Variants in PPFIBP1 observed in about 807,000 individuals in gnomAD.
PPFIBP1 encodes liprin-beta-1.
Under a neutral mutation model 137.8 loss-of-function variants are expected in PPFIBP1, and 112 were observed. The observed-to-expected ratio is 0.81, with a 90% CI of 0.70 to 0.95. The LOEUF (loss-of-function observed/expected upper bound fraction) is 0.95, where lower values mean the gene tolerates loss of function less well. Ranked by LOEUF, PPFIBP1 falls within the 40% of genes least tolerant of loss-of-function variation. The pLI, the probability that PPFIBP1 is intolerant of heterozygous loss-of-function variation, is 0.00. For missense variants in PPFIBP1, 1,083 were observed against 1,196.6 expected (o/e 0.91, Z 1.40); for synonymous variants, 378 against 417.3 (o/e 0.91, Z 1.15).
At position 27,688,992 on chromosome 12, in the gene PPFIBP1, C is replaced by CTT. The variant is rs35617482; in HGVS notation, c.2497-12_2497-11dup. ...ATGATTTGTGGTGACTTTTGACAAG[C>CTT]TTTTTTTTTTTTCTTTAAACAGGTT... On this transcript the variant is annotated intron_variant, in intron 26 of 29. Transcript: ENST00000228425. 1.1e-3 allele frequency: 1,547 copies of CTT among 1,349,490 alleles called. 1 individual carries two copies. The highest frequency in any genetic ancestry group is 1.3e-3 in the Non-Finnish European group (1,268 of 985,134). 83.6% of individuals were successfully genotyped at this position (1,349,490 alleles called of 1,614,324 possible). A position where few individuals can be genotyped will look rare whatever the true frequency, so the allele number is the denominator to read the frequency against.
At chr12:27,589,023 G>A (rs544104566) in intron 2 of PPFIBP1, among the ~76,000 whole-genome samples, 48 of 152,182 alleles carry the variant, frequency 3.2e-4, no homozygotes, top group African/African-American at 1.1e-3. Context: ...AAAGCACAGC[G>A]TTGTTCTATT....
chr12:27,589,220 G>T (rs1303135715), intron 2 of PPFIBP1, among the ~76,000 whole-genome samples: 1 of 152,112 alleles, frequency 6.6e-6, no homozygotes, highest in African/African-American at 2.4e-5. Flanking sequence ...TTTATTGTTG[G>T]TGTAAGGACT....
Position 27,688,208 on chromosome 12 carries a change from G to T in PPFIBP1, c.2371-90G>T, listed in dbSNP as rs2061314749. ...TTTTCCCTTTCTTTTTGCATTTAGT[G>T]GGTTGTTGAGTAACTGTACTCCATG... On this transcript the variant is annotated intron_variant, in intron 25 of 29. Coordinates refer to ENST00000228425, the MANE Select transcript of PPFIBP1 (RefSeq NM_003622.4). 3.7e-6 allele frequency: 5 copies of T among 1,362,480 alleles called. No individual in the cohort carries two copies. The African/African-American group carries it at 4.4e-5, about 12-fold the overall frequency. The allele number at this position is 1,362,480 out of a possible 1,614,324, so 84.4% of individuals were successfully genotyped here.
At chr12:27,539,012 A>G (rs912397067) in intron 1 of PPFIBP1, among the ~76,000 whole-genome samples, 2 of 152,158 alleles carry the variant, frequency 1.3e-5, no homozygotes, top group African/African-American at 4.8e-5. Context: ...CCATCCTACA[A>G]TGCACAGGAC....
At chr12:27,558,621 A>ACG (rs1404704594) in intron 1 of PPFIBP1, among the ~76,000 whole-genome samples, 9 of 151,660 alleles carry the variant, frequency 5.9e-5, no homozygotes, top group Admixed American at 1.3e-4. Flanking sequence ...ACACACACAC[A>ACG]CACAAACATA....
chr12:27,566,593 C>T (rs942603904), intron 1 of PPFIBP1, among the ~76,000 whole-genome samples: 7 of 152,230 alleles, frequency 4.6e-5, no homozygotes, highest in Admixed American at 1.3e-4. Context: ...CTTTTAATTA[C>T]GGATAACAAC....
Position 27,660,870 on chromosome 12 carries a change from G to C in PPFIBP1, c.845-14G>C. The C allele has an allele frequency of 6.2e-7, 1 of 1,612,786 alleles. No individual in the cohort carries two copies. Among genetic ancestry groups the C allele is most frequent in the South Asian group, 1.1e-5 (1 of 90,858 alleles). On this transcript the variant is annotated splice_polypyrimidine_tract_variant and intron_variant, in intron 10 of 29. Coordinates refer to ENST00000228425, the MANE Select transcript of PPFIBP1 (RefSeq NM_003622.4). ...TGTGAACTGAACTGACTTCTGATTT[G>C]ATGTTATTTTCAGACATCGAAGTAC...
At chr12:27,610,956 T>C (rs1357019844) in intron 2 of PPFIBP1, among the ~76,000 whole-genome samples, 1 of 152,024 alleles carries the variant, frequency 6.6e-6, no homozygotes, top group African/African-American at 2.4e-5. Flanking sequence ...AGGAAAAGTA[T>C]GAAAAACAAC....
At chr12:27,568,414 G>A (rs2049867647) in intron 1 of PPFIBP1, among the ~76,000 whole-genome samples, 1 of 152,162 alleles carries the variant, frequency 6.6e-6, no homozygotes, top group African/African-American at 2.4e-5. Context: ...AGGATAGTGT[G>A]TTTAATTACT....
At chr12:27,552,062 G>C (rs1946840054) in intron 1 of PPFIBP1, among the ~76,000 whole-genome samples, 1 of 152,148 alleles carries the variant, frequency 6.6e-6, no homozygotes, top group Non-Finnish European at 1.5e-5. Context: ...GATTTCTTGA[G>C]CTCTAAAATT....
Position 27,682,695 on chromosome 12 carries a change from A to T in PPFIBP1, c.2239A>T (p.Met747Leu), listed in dbSNP as rs143124134. 3 of 1,614,042 alleles carry T rather than the reference A, an allele frequency of 1.9e-6. No individual in the cohort carries two copies. The African/African-American group carries it at 4.0e-5, about 22-fold the overall frequency. ...GRVDGRMLHY[M>L]TVDDLLSLKV... ...GGTTGATGGTCGAATGCTACATTAC[A>T]TGACTGTTGTAAGTGACTCACTCCT... The change falls in exon 24 of 30, where the codon ATG (methionine) becomes TTG (leucine). Residue 747 changes from methionine (M) to leucine (L), a missense_variant. Met to Leu is a conservative substitution (Grantham distance 15). Transcript: ENST00000228425.
Position 27,578,455 on chromosome 12 carries a change from G to A in PPFIBP1, c.-36+216G>A, listed in dbSNP as rs115969442. Among the ~76,000 whole-genome samples, 409 of 152,246 alleles carry A rather than the reference G, an allele frequency of 2.7e-3. 1 individual carries two copies. Among genetic ancestry groups the A allele is most frequent in the African/African-American group, 9.0e-3 (375 of 41,524 alleles). On this transcript the variant is annotated intron_variant, in intron 2 of 29. Transcript: ENST00000228425. ...ATAGGTGGCTGTAGGATTTAGACGC[G>A]GTGTGGCAGGCAGTGAGCAAATCTT...
At chr12:27,567,796 GA>G (rs1167004770) in intron 1 of PPFIBP1, among the ~76,000 whole-genome samples, 2 of 152,192 alleles carry the variant, frequency 1.3e-5, no homozygotes, top group Non-Finnish European at 2.9e-5. Context: ...TGGTCTCAGT[GA>G]AGTTTAATCC....
chr12:27,679,547 A>G lies in PPFIBP1; in HGVS notation c.1674A>G (p.Pro558=). The G allele has an allele frequency of 6.2e-7, 1 of 1,614,000 alleles. No homozygotes were observed. The highest frequency in any genetic ancestry group is 8.5e-7 in the Non-Finnish European group (1 of 1,179,840). The change falls in exon 20 of 30, where the codon CCA becomes CCG. Residue 558 remains proline (P), a synonymous_variant. Coordinates refer to ENST00000228425, the MANE Select transcript of PPFIBP1 (RefSeq NM_003622.4). ...ATCTGGCTGGTGCTTCTTCTCGGCC[A>G]AAAGATTCACAGAGGAACAGTCCCT... is the stretch of plus-strand genomic sequence containing the variant. ...HLDLAGASSR[P]KDSQRNSPFQ...
chr12:27,634,702 C>T (rs2075377), intron 3 of PPFIBP1, among the ~76,000 whole-genome samples: 89,726 of 152,102 alleles, frequency 0.59, 26,998 homozygotes, highest in Admixed American at 0.65. Flanking sequence ...TAGTTACGAA[C>T]TGGACCATGG....
intron 1 of PPFIBP1, among the ~76,000 whole-genome samples, chr12:27,567,598 G>A (rs1405110966): frequency 6.6e-6 from 1 of 152,080 alleles, no homozygotes; most frequent in Admixed American, 6.5e-5. Flanking sequence ...TGGCATGGGT[G>A]GTGATTATTG....
rs747419057 is a variant in PPFIBP1, at chr12:27,688,306, C to T, written c.2379C>T (p.Ile793=). 1.4e-5 allele frequency: 22 copies of T among 1,613,580 alleles called. No homozygotes were observed. In the Admixed American group the frequency reaches 2.2e-4, roughly 16 times the overall value. The change falls in exon 26 of 30, where the codon ATC becomes ATT. Residue 793 remains isoleucine, a synonymous_variant. Transcript: ENST00000228425. The part of the protein sequence containing the change: ...LRRRPSDENT[I]APSEVQKWTN... Reference sequence around the variant, plus strand: ...GTTGTGTGTTCCCATAGAATACCATCGCCCCATCAGAAGTTCAGAAGTGGA... The same window carrying T: ...GTTGTGTGTTCCCATAGAATACCATTGCCCCATCAGAAGTTCAGAAGTGGA...
chr12:27,692,493 C>A, intron 28 of PPFIBP1, 98 bp from the exon 29 acceptor site: 2 of 1,079,516 alleles, frequency 1.9e-6, no homozygotes, highest in Non-Finnish European at 2.9e-6. Context: ...CCATTCAGTG[C>A]TATTTGCATT....
At chr12:27,657,955 T>C (rs1208514575) in intron 9 of PPFIBP1, among the ~76,000 whole-genome samples, 1 of 151,776 alleles carries the variant, frequency 6.6e-6, no homozygotes, top group African/African-American at 2.4e-5. Context: ...AAAAAATTTC[T>C]TTTTAAGATT....
Sources: gnomAD v4.1 joint callset for allele counts (sites outside exome capture counted in the v4.1 genomes callset) on GRCh38, gnomAD v4.1.1 for gene constraint, MANE v1.5 for transcripts, NCBI Gene and HGNC (gene_info 2026-07-23, HGNC 2026-07-21) for gene names.